Variants in FOXN4 observed in about 807,000 individuals in gnomAD.
FOXN4 encodes forkhead box N4, also known as forkhead box protein N4.
FOXN4 carries 12 observed loss-of-function variants against 45.0 expected under a neutral mutation model. The ratio of observed to expected loss-of-function variants is 0.27; its 90% CI spans 0.17 to 0.43. FOXN4 has a LOEUF of 0.43. FOXN4 is among the 20% of genes least tolerant of loss of function. The pLI is 1.00. For missense variants in FOXN4, 560 were observed against 694.9 expected, an observed-to-expected ratio of 0.81 and a Z score of 2.18; for synonymous variants, 297 against 295.0, an observed-to-expected ratio of 1.01 and a Z score of -0.07.
chr12:109,295,122 C>G (rs997810702), intron 2 of FOXN4, among the ~76,000 whole-genome samples: 3 of 152,174 alleles, frequency 2.0e-5, no homozygotes, highest in Non-Finnish European at 4.4e-5. Context: ...TCATACCCCC[C>G]AGGCTGGCAC....
At chr12:109,300,908 C>A (rs1220470123) in intron 2 of FOXN4, among the ~76,000 whole-genome samples, 2 of 151,850 alleles carry the variant, frequency 1.3e-5, no homozygotes, top group East Asian at 3.9e-4. Flanking sequence ...GACCCTGTCT[C>A]TAAAAAAATA....
rs759873846 is a variant in FOXN4, at chr12:109,281,600, G to A, written c.1101C>T (p.Pro367=). 6.2e-7 allele frequency: 1 copy of A among 1,608,122 alleles called. No homozygotes were observed. The highest frequency in any genetic ancestry group is 8.5e-7 in the Non-Finnish European group (1 of 1,177,300). The change falls in exon 9 of 10, where the codon CCC becomes CCT. Residue 367 remains proline, a synonymous_variant. Coordinates refer to ENST00000299162, the MANE Select transcript of FOXN4 (RefSeq NM_213596.3). ...GAGAGTCTGGAGCAAGATGTGCCTG[G>A]GGCTGGACCTGGTGGTGCAGGGGGA... ...QSVPLHHQVQ[P]QAHLAPDSPA...
chr12:109,295,507 C>T (rs749064681), intron 2 of FOXN4, among the ~76,000 whole-genome samples: 6 of 152,276 alleles, frequency 3.9e-5, no homozygotes, highest in Middle Eastern at 3.4e-3. Context: ...CAACTCTGGC[C>T]GGGTGTGGTG....
At chr12:109,283,846 CTATT>C (rs1176147095) in intron 8 of FOXN4, among the ~76,000 whole-genome samples, 1 of 152,206 alleles carries the variant, frequency 6.6e-6, no homozygotes, top group African/African-American at 2.4e-5. Flanking sequence ...GTATGCCATT[CTATT>C]TATTTAACCA....
chr12:109,290,138 T>C lies in FOXN4; in HGVS notation c.232+3A>G, dbSNP rs2047752619. The C allele has an allele frequency of 1.3e-6, 2 of 1,543,884 alleles. No homozygotes were observed. Among genetic ancestry groups the C allele is most frequent in the African/African-American group, 2.7e-5 (2 of 72,908 alleles). On this transcript the variant is annotated splice_donor_region_variant and intron_variant, in intron 3 of 9. Coordinates refer to ENST00000299162, the MANE Select transcript of FOXN4 (RefSeq NM_213596.3). The surrounding 1 kb of genome is among the most constrained non-coding windows in gnomAD (Gnocchi z 5.1). ...TCCCTGCCTACCTTGTCCCTGAGCC[T>C]ACCTGGGTGTGGATGTGGCACGCAG...
In FOXN4 at chr12:109,287,486, C is replaced by T; in HGVS notation, c.507G>A (p.Val169=). ...CGTGGGGCTGGGGGTAGGGGGGCCGCACCCCAAATGGGGGGCCATAGAGGC... is the reference window on the plus strand; with the variant it reads ...CGTGGGGCTGGGGGTAGGGGGGCCGTACCCCAAATGGGGGGCCATAGAGGC... ...PVGLYGPPFG[V]RPPYPQPHVA... Residue 169 remains valine (V), a synonymous_variant, in exon 6 of 10, where the codon GTG becomes GTA. Coordinates refer to ENST00000299162, the MANE Select transcript of FOXN4 (RefSeq NM_213596.3). The surrounding 1 kb of genome is among the most constrained non-coding windows in gnomAD (Gnocchi z 4.1). 2 of 1,549,074 alleles carry T rather than the reference C, an allele frequency of 1.3e-6. No homozygotes were observed. Among genetic ancestry groups the T allele is most frequent in the Middle Eastern group, 1.7e-4 (1 of 5,962 alleles).
chr12:109,292,018 G>T (rs1199090232), intron 2 of FOXN4, among the ~76,000 whole-genome samples: 2 of 152,194 alleles, frequency 1.3e-5, no homozygotes, highest in Admixed American at 6.5e-5. Flanking sequence ...CCCGGGCCTG[G>T]GCGATACCAT....
chr12:109,281,577 G>A lies in FOXN4; in HGVS notation c.1124C>T (p.Ser375Phe). The A allele has an allele frequency of 6.2e-7, 1 of 1,607,124 alleles. No individual in the cohort carries two copies. Among genetic ancestry groups the A allele is most frequent in the Non-Finnish European group, 8.5e-7 (1 of 1,176,744 alleles). ...TGGCGGGGTCTGGGCTGGTGCTGGA[G>A]AGTCTGGAGCAAGATGTGCCTGGGG... ...VQPQAHLAPDSPAPAQTPPLH... is the reference protein window; with the variant it reads ...VQPQAHLAPDFPAPAQTPPLH... The change falls in exon 9 of 10, where the codon TCT becomes TTT. Residue 375 changes from serine to phenylalanine, a missense_variant. Coordinates refer to ENST00000299162, the MANE Select transcript of FOXN4 (RefSeq NM_213596.3).
Position 109,286,947 on chromosome 12 carries a change from CACA to C in FOXN4, c.597-206_597-204del, listed in dbSNP as rs1308025487. ...CTTTGCCCTTTCTCCTTGATCTGGG[CACA>C]ACAATTGGTACTGACTTGAGAAATC... On this transcript the variant is annotated intron_variant, in intron 6 of 9. Coordinates refer to ENST00000299162, the MANE Select transcript of FOXN4 (RefSeq NM_213596.3). 5.3e-6 allele frequency: 7 copies of C among 1,322,760 alleles called. No homozygotes were observed. In the East Asian group the frequency reaches 7.7e-5, roughly 15 times the overall value. 81.9% of individuals were successfully genotyped at this position (1,322,760 alleles called of 1,614,324 possible).
In FOXN4 at chr12:109,287,346, C is replaced by G; in HGVS notation, c.596+51G>C. 6.5e-7 allele frequency: 1 copy of G among 1,549,314 alleles called. No individual in the cohort carries two copies. On this transcript the variant is annotated intron_variant, in intron 6 of 9. Transcript: ENST00000299162. The surrounding 1 kb of genome is among the most constrained non-coding windows in gnomAD (Gnocchi z 4.1). Reference sequence around the variant, plus strand: ...AGATGCCCTGAGGGCAGCCTCATCCCTCTCTCCCGGAGCCGCCCTTGGCCC... The same window carrying G: ...AGATGCCCTGAGGGCAGCCTCATCCGTCTCTCCCGGAGCCGCCCTTGGCCC...
Position 109,290,048 on chromosome 12 carries a change from G to T in FOXN4, c.232+93C>A. On this transcript the variant is annotated intron_variant, in intron 3 of 9. Coordinates refer to ENST00000299162, the MANE Select transcript of FOXN4 (RefSeq NM_213596.3). This position sits in a 1 kb window ranked among gnomAD's most constrained non-coding sequence, Gnocchi z 5.1. The stretch of plus-strand genomic sequence containing the variant: ...AGAGGCCCAGAGAGACTGGGAGACC[G>T]GGTCATGGCTGCACAGTGGGTGGGT... 7.3e-7 allele frequency: 1 copy of T among 1,376,590 alleles called. No homozygotes were observed. The highest frequency in any genetic ancestry group is 9.6e-7 in the Non-Finnish European group (1 of 1,043,726). The allele number at this position is 1,376,590 out of a possible 1,614,324, so 85.3% of individuals were successfully genotyped here.
chr12:109,284,087 G>A (rs2047678553), intron 8 of FOXN4, among the ~76,000 whole-genome samples: 1 of 152,172 alleles, frequency 6.6e-6, no homozygotes, highest in South Asian at 2.1e-4. Context: ...CATTATATAC[G>A]AAGCTCTCTA....
At chr12:109,308,694 T>C (rs1398133015) in intron 1 of FOXN4, among the ~76,000 whole-genome samples, 1 of 152,122 alleles carries the variant, frequency 6.6e-6, no homozygotes, top group East Asian at 1.9e-4. Flanking sequence ...AGTTTGGTTA[T>C]GATCACTTTC....
rs2047718731 is a variant in FOXN4 at position 109,286,983 on chromosome 12, T to C, written c.597-239A>G. Reference sequence around the variant, plus strand: ...GTACTGACTTGAGAAATCTTACCCTTTCCCCTCTTTATTGCATCCCCATAA... The same window carrying C: ...GTACTGACTTGAGAAATCTTACCCTCTCCCCTCTTTATTGCATCCCCATAA... On this transcript the variant is annotated intron_variant, in intron 6 of 9. Transcript: ENST00000299162. The C allele has an allele frequency of 5.2e-5, 55 of 1,057,958 alleles. No individual in the cohort carries two copies. In the South Asian group the frequency reaches 1.0e-3, roughly 20 times the overall value. The allele number at this position is 1,057,958 out of a possible 1,614,324, so 65.5% of individuals were successfully genotyped here.
At position 109,281,155 on chromosome 12, in the gene FOXN4, C is replaced by A. The variant is rs149972869; in HGVS notation, c.1294+252G>T. 4.9e-3 allele frequency among the ~76,000 whole-genome samples: 743 copies of A among 152,312 alleles called. 5 individuals carry two copies. Among genetic ancestry groups the A allele is most frequent in the South Asian group, 0.015 (73 of 4,822 alleles). ...TATAACAGGTTGAACATCCCTAATC[C>A]AACCAAACATCTGAAATCTGAACTG... On this transcript the variant is annotated intron_variant, in intron 9 of 9. Coordinates refer to ENST00000299162, the MANE Select transcript of FOXN4 (RefSeq NM_213596.3).
intron 8 of FOXN4, among the ~76,000 whole-genome samples, chr12:109,283,207 T>C (rs1044730966): frequency 2.6e-5 from 4 of 152,072 alleles, no homozygotes; most frequent in Non-Finnish European, 5.9e-5. Flanking sequence ...CAATCCTTTT[T>C]CTAATTAGGA....
In FOXN4 at chr12:109,279,926, G is replaced by T; in HGVS notation, c.1299C>A (p.Asn433Lys). ...CCTCATCCTTCATCTCCTCCCACAG[G>T]TTCCCTTTCAAAGACAAAAGCATTA... ...PSIMDFALQG[N>K]LWEEMKDEGF... The change falls in exon 10 of 10, where the codon AAC (asparagine) becomes AAA (lysine). Residue 433 changes from asparagine to lysine, a missense_variant. Physicochemically the swap from Asn to Lys is moderately conservative, Grantham distance 94. Coordinates refer to ENST00000299162, the MANE Select transcript of FOXN4 (RefSeq NM_213596.3). The T allele has an allele frequency of 6.2e-7, 1 of 1,613,834 alleles. No homozygotes were observed. The highest frequency in any genetic ancestry group is 8.5e-7 in the Non-Finnish European group (1 of 1,179,808).
At chr12:109,305,299 C>T (rs112869084) in intron 2 of FOXN4, among the ~76,000 whole-genome samples, 1 of 152,084 alleles carries the variant, frequency 6.6e-6, no homozygotes, top group African/African-American at 2.4e-5. Context: ...TGGGATTTGA[C>T]GGGGATTTAT....
chr12:109,285,365 C>T lies in FOXN4; in HGVS notation c.840G>A (p.Glu280=). The T allele has an allele frequency of 6.2e-7, 1 of 1,613,934 alleles. No individual in the cohort carries two copies. Among genetic ancestry groups the T allele is most frequent in the Non-Finnish European group, 8.5e-7 (1 of 1,179,872 alleles). ...CCTTCCTCTTCCACTTGTGCATCTC[C>T]TCCTCCATCTTGTCGATGCGGGCCA... is the stretch of plus-strand genomic sequence containing the variant. ...LNLARIDKME[E]EMHKWKRKDL... is the part of the protein sequence containing the mutation. Residue 280 remains glutamate (E), a synonymous_variant, in exon 8 of 10, where the codon GAG becomes GAA. Transcript: ENST00000299162.
Sources: allele counts gnomAD v4.1 joint callset (sites outside exome capture counted in the v4.1 genomes callset), GRCh38; gene constraint gnomAD v4.1.1; non-coding constraint Gnocchi (gnomAD v3.1); transcripts MANE v1.5; gene names NCBI Gene and HGNC (gene_info 2026-07-23, HGNC 2026-07-21).